Variants in SLC24A2 observed in about 807,000 individuals in gnomAD.
The protein encoded by SLC24A2 is solute carrier family 24 member 2.
A neutral mutation model predicts 62.0 loss-of-function variants in SLC24A2; 36 were observed. The observed-to-expected ratio is 0.58, with a 90% CI of 0.44 to 0.77. SLC24A2 has a LOEUF of 0.77. Among genes scored for constraint, SLC24A2 ranks in the 30% least tolerant of loss-of-function variants. The probability of loss-of-function intolerance (pLI) is 0.00; values close to 1 mark genes in which losing one functional copy is unlikely to be tolerated. For missense variants in SLC24A2, 846 were observed against 817.9 expected (o/e 1.03, Z -0.42); for synonymous variants, 358 against 294.0 (o/e 1.22, Z -2.23).
the SLC24A2 span, among the ~76,000 whole-genome samples, chr9:20,029,292 G>A: frequency 1.3e-5 from 2 of 152,210 alleles, no homozygotes; most frequent in Admixed American, 1.3e-4. Flanking sequence ...GGAGAGCTGT[G>A]TGTCACCCTT....
chr9:19,559,977 C>A (rs905794598), intron 7 of SLC24A2, among the ~76,000 whole-genome samples: 1 of 152,028 alleles, frequency 6.6e-6, no homozygotes, highest in Non-Finnish European at 1.5e-5. Context: ...AAACACCTGA[C>A]CTCACAATCT....
chr9:20,169,576 G>C, the SLC24A2 span, among the ~76,000 whole-genome samples: 2 of 152,116 alleles, frequency 1.3e-5, no homozygotes, highest in South Asian at 4.1e-4. Context: ...ATCCAGAAGA[G>C]AGATAACAAT....
intron 2 of SLC24A2, among the ~76,000 whole-genome samples, chr9:19,762,505 C>A (rs1466421803): frequency 6.6e-6 from 1 of 152,128 alleles, no homozygotes; most frequent in Non-Finnish European, 1.5e-5. Context: ...AGGAAGGAGT[C>A]CAGTTTCAGC....
chr9:19,757,539 A>C (rs1003173), intron 2 of SLC24A2, among the ~76,000 whole-genome samples: 112,722 of 151,984 alleles, frequency 0.74, 42,019 homozygotes, highest in East Asian at 0.81. Flanking sequence ...TAGTCCAATG[A>C]TAATTAAAAA....
At chr9:19,760,249 C>T (rs1224813936) in intron 2 of SLC24A2, among the ~76,000 whole-genome samples, 4 of 152,096 alleles carry the variant, frequency 2.6e-5, no homozygotes, top group East Asian at 1.9e-4. Context: ...CAGGATCCCC[C>T]GCCCATTCCC....
chr9:20,069,676 A>C, the SLC24A2 span, among the ~76,000 whole-genome samples: 1 of 152,242 alleles, frequency 6.6e-6, no homozygotes, highest in South Asian at 2.1e-4. Context: ...TAAGTAATAC[A>C]GTTCAGTTGC....
the SLC24A2 span, among the ~76,000 whole-genome samples, chr9:20,016,737 A>G: frequency 4.6e-5 from 7 of 152,208 alleles, no homozygotes; most frequent in Non-Finnish European, 1.0e-4. Context: ...ACACACACAC[A>G]CAAACACATA....
the SLC24A2 span, among the ~76,000 whole-genome samples, chr9:19,925,454 A>G: frequency 6.6e-6 from 1 of 152,232 alleles, no homozygotes; most frequent in African/African-American, 2.4e-5. Flanking sequence ...ATATTTGTGA[A>G]GCTGTAACTC....
chr9:19,544,781 C>T (rs763955044), intron 8 of SLC24A2, among the ~76,000 whole-genome samples: 9 of 152,206 alleles, frequency 5.9e-5, no homozygotes, highest in Non-Finnish European at 1.0e-4. Flanking sequence ...TGTAAGGTTC[C>T]TGCAGAGAGA....
the SLC24A2 span, among the ~76,000 whole-genome samples, chr9:19,886,409 A>G: frequency 1.3e-5 from 2 of 151,978 alleles, no homozygotes; most frequent in Non-Finnish European, 1.5e-5. Flanking sequence ...TGTCTGTTCC[A>G]CTTCTCAAAA....
At chr9:19,553,027 C>A (rs375236650) in intron 7 of SLC24A2, among the ~76,000 whole-genome samples, 1 of 152,182 alleles carries the variant, frequency 6.6e-6, no homozygotes, top group Non-Finnish European at 1.5e-5. Context: ...GGAAACTTCA[C>A]AGCCTCCTGG....
At chr9:19,559,656 G>C (rs765974739) in intron 7 of SLC24A2, among the ~76,000 whole-genome samples, 10 of 152,138 alleles carry the variant, frequency 6.6e-5, no homozygotes, top group Admixed American at 3.3e-4. Context: ...TTTGCCAAAT[G>C]AAAGGTGCCC....
intron 2 of SLC24A2, among the ~76,000 whole-genome samples, chr9:19,659,782 C>T (rs1298407421): frequency 2.0e-5 from 3 of 152,094 alleles, no homozygotes; most frequent in Non-Finnish European, 4.4e-5. Context: ...CCTGAAGAGG[C>T]ACAGACACAC....
At chr9:20,200,687 T>C in the SLC24A2 span, among the ~76,000 whole-genome samples, 1 of 152,212 alleles carries the variant, frequency 6.6e-6, no homozygotes, top group Non-Finnish European at 1.5e-5. Flanking sequence ...GCTTCAGCTT[T>C]ATTAGCTTCA....
the SLC24A2 span, among the ~76,000 whole-genome samples, chr9:19,961,218 T>TA: frequency 2.0e-5 from 3 of 150,938 alleles, no homozygotes; most frequent in African/African-American, 7.3e-5. Context: ...CCCTAAAACT[T>TA]AAAGTATAAT....
chr9:19,647,447 G>C (rs1202346015), intron 2 of SLC24A2, among the ~76,000 whole-genome samples: 2 of 152,180 alleles, frequency 1.3e-5, no homozygotes, highest in South Asian at 2.1e-4. Context: ...GGAAAGATGA[G>C]AAACATGTGG....
the SLC24A2 span, among the ~76,000 whole-genome samples, chr9:19,973,910 G>A: frequency 7.2e-5 from 11 of 152,226 alleles, no homozygotes; most frequent in South Asian, 2.1e-3. Flanking sequence ...ATGTTTGCAT[G>A]TTTTGTTTCC....
the SLC24A2 span, among the ~76,000 whole-genome samples, chr9:20,108,333 C>G: frequency 3.3e-5 from 5 of 152,116 alleles, no homozygotes; most frequent in Non-Finnish European, 7.4e-5. Flanking sequence ...TTTGACCCAG[C>G]CATCCCATTA....
the SLC24A2 span, among the ~76,000 whole-genome samples, chr9:20,251,457 G>C: frequency 6.6e-6 from 1 of 152,140 alleles, no homozygotes; most frequent in Non-Finnish European, 1.5e-5. Flanking sequence ...CTCTAAGTAG[G>C]GAGGCTATGT....
Sources: allele counts gnomAD v4.1 joint callset (sites outside exome capture counted in the v4.1 genomes callset), GRCh38; gene constraint gnomAD v4.1.1; transcripts MANE v1.5; gene names NCBI Gene and HGNC (gene_info 2026-07-23, HGNC 2026-07-21).